The following TFCP2L1 variants were observed in gnomAD, a reference collection of about 807,000 sequenced individuals.
TFCP2L1 encodes the protein transcription factor CP2 like 1.
TFCP2L1 carries 12 observed loss-of-function variants against 72.2 expected under a neutral mutation model. That is an observed-to-expected ratio of 0.17 (90% confidence interval 0.11 to 0.27). The LOEUF (loss-of-function observed/expected upper bound fraction) is 0.27, where lower values mean the gene tolerates loss of function less well. Among genes scored for constraint, TFCP2L1 ranks in the 10% least tolerant of loss-of-function variants. TFCP2L1 has a pLI of 1.00. For synonymous variants in TFCP2L1, 260 were observed against 251.0 expected, an observed-to-expected ratio of 1.04 and a Z score of -0.34; for missense variants, 488 against 624.6, an observed-to-expected ratio of 0.78 and a Z score of 2.33.
intron 12 of TFCP2L1, among the ~76,000 whole-genome samples, chr2:121,233,023 T>G (rs1307392586): frequency 6.6e-6 from 1 of 152,164 alleles, no homozygotes; most frequent in African/African-American, 2.4e-5. Flanking sequence ...CCCAATATTT[T>G]AAAAGCACAC....
At chr2:121,256,249 CAT>C (rs985673158) in intron 2 of TFCP2L1, among the ~76,000 whole-genome samples, 15 of 152,258 alleles carry the variant, frequency 9.9e-5, no homozygotes, top group African/African-American at 3.4e-4. Context: ...CCCTGAAACA[CAT>C]GTTGCCATAC....
At position 121,246,928 on chromosome 2, in the gene TFCP2L1, C is replaced by T; in HGVS notation, c.547G>A (p.Gly183Ser). 6.2e-7 allele frequency: 1 copy of T among 1,614,140 alleles called. No individual in the cohort carries two copies. The highest frequency in any genetic ancestry group is 8.5e-7 in the Non-Finnish European group (1 of 1,180,006). ...ACTCGAAAGGGCACTCCCTTCTCGC[C>T]CCCGTGCTTCCTGGGGGTGAATTCT... is the stretch of plus-strand genomic sequence containing the variant. ...STEFTPRKHG[G>S]EKGVPFRVQI... The change falls in exon 6 of 15, where the codon GGC (glycine) becomes AGC (serine). Residue 183 changes from glycine (G) to serine (S), a missense_variant. Coordinates refer to ENST00000263707, the MANE Select transcript of TFCP2L1 (RefSeq NM_014553.3).
At position 121,218,604 on chromosome 2, in the gene TFCP2L1, C is replaced by G. The variant is rs779233236; in HGVS notation, c.*5737G>C. The stretch of plus-strand genomic sequence containing the variant: ...GGGGGACATGGTTTGGTTTCCCCAT[C>G]GCCAGGCTGGCCAGCTGGGGCCCAA... On this transcript the variant is annotated 3_prime_UTR_variant, in exon 15 of 15. Transcript: ENST00000263707. 1 of 152,390 alleles carries G rather than the reference C, an allele frequency of 6.6e-6. No individual in the cohort carries two copies. The highest frequency in any genetic ancestry group is 2.4e-5 in the African/African-American group (1 of 41,458). The allele number at this position is 152,390 out of a possible 1,614,324, so 9.4% of individuals were successfully genotyped here. A position where few individuals can be genotyped will look rare whatever the true frequency, so the allele number is the denominator to read the frequency against.
intron 4 of TFCP2L1, among the ~76,000 whole-genome samples, chr2:121,248,555 G>A (rs6707599): frequency 0.052 from 7,900 of 152,106 alleles, 679 homozygotes; most frequent in African/African-American, 0.18. Flanking sequence ...TACACACATC[G>A]TATTGTCATT....
chr2:121,225,216 T>G (rs1025068677), intron 14 of TFCP2L1, among the ~76,000 whole-genome samples: 4 of 152,104 alleles, frequency 2.6e-5, no homozygotes, highest in Non-Finnish European at 4.4e-5. Flanking sequence ...CACTGTCAGG[T>G]GGGCCCCCTC....
chr2:121,275,454 T>C (rs1687128620), intron 2 of TFCP2L1, among the ~76,000 whole-genome samples: 1 of 151,438 alleles, frequency 6.6e-6, no homozygotes, highest in African/African-American at 2.4e-5. Context: ...TAGGATACTT[T>C]TAATAATAAT....
intron 2 of TFCP2L1, among the ~76,000 whole-genome samples, chr2:121,256,235 G>A (rs576582929): frequency 2.6e-5 from 4 of 152,256 alleles, no homozygotes; most frequent in East Asian, 1.9e-4. Flanking sequence ...CGATACACTA[G>A]TCCCCCTGAA....
rs1438089162 is a variant in TFCP2L1, at chr2:121,222,831, C to T, written c.*1510G>A. 1 of 15,080 alleles carries T rather than the reference C, an allele frequency of 6.6e-5. No homozygotes were observed. Among genetic ancestry groups the T allele is most frequent in the Non-Finnish European group, 4.7e-4 (1 of 2,148 alleles). 0.9% of individuals were successfully genotyped at this position (15,080 alleles called of 1,614,324 possible). ...TTAGTTAACCCACTCCCCGCTTCTC[C>T]TCTAAAGAAGGAAGAGGAATCAGGA... On this transcript the variant is annotated 3_prime_UTR_variant, in exon 15 of 15. Coordinates refer to ENST00000263707, the MANE Select transcript of TFCP2L1 (RefSeq NM_014553.3).
chr2:121,258,324 C>T lies in TFCP2L1; in HGVS notation c.215-8677G>A, dbSNP rs574783662. On this transcript the variant is annotated intron_variant, in intron 2 of 14. Transcript: ENST00000263707. ...ATCAATATTAATAAGCGCCCAGCCA[C>T]CCCATCACCAGGACTCCAGTCTATA... 6.6e-5 allele frequency among the ~76,000 whole-genome samples: 10 copies of T among 152,314 alleles called. No homozygotes were observed. In the South Asian group the frequency reaches 2.1e-3, roughly 32 times the overall value.
intron 14 of TFCP2L1, among the ~76,000 whole-genome samples, chr2:121,225,206 C>CA (rs1231171325): frequency 6.6e-6 from 1 of 152,136 alleles, no homozygotes; most frequent in Non-Finnish European, 1.5e-5. Flanking sequence ...AGCACAGGCA[C>CA]ACTGTCAGGT....
At chr2:121,242,738 A>G (rs1573369818) in intron 6 of TFCP2L1, among the ~76,000 whole-genome samples, 2 of 152,300 alleles carry the variant, frequency 1.3e-5, no homozygotes, top group Admixed American at 1.3e-4. Flanking sequence ...GGGGACCCAC[A>G]AGGAATCCCA....
chr2:121,240,615 G>A, intron 7 of TFCP2L1: 1 of 985,418 alleles, frequency 1.0e-6, no homozygotes, highest in Non-Finnish European at 1.2e-6. Context: ...GCAAGGGCTT[G>A]GACAGACCTG....
At chr2:121,278,423 C>T (rs960832180) in intron 2 of TFCP2L1, among the ~76,000 whole-genome samples, 8 of 151,054 alleles carry the variant, frequency 5.3e-5, no homozygotes, top group Non-Finnish European at 8.9e-5. Context: ...CAGTGGCTCA[C>T]GCCTGTAATC....
intron 2 of TFCP2L1, among the ~76,000 whole-genome samples, chr2:121,258,329 T>A (rs2104724295): frequency 6.6e-6 from 1 of 152,206 alleles, no homozygotes; most frequent in East Asian, 1.9e-4. Flanking sequence ...AGCCACCCCA[T>A]CACCAGGACT....
At chr2:121,278,029 C>CTT (rs530823906) in intron 2 of TFCP2L1, among the ~76,000 whole-genome samples, 15 of 122,742 alleles carry the variant, frequency 1.2e-4, no homozygotes, top group Non-Finnish European at 1.5e-4. Context: ...CTTTTTCTCT[C>CTT]TTTTTTTTTT....
intron 5 of TFCP2L1, among the ~76,000 whole-genome samples, chr2:121,247,248 C>G: frequency 6.6e-6 from 1 of 152,120 alleles, no homozygotes; most frequent in Non-Finnish European, 1.5e-5. Flanking sequence ...GCCACTGACC[C>G]CAATAACCTC....
intron 13 of TFCP2L1, among the ~76,000 whole-genome samples, chr2:121,227,555 C>A (rs944900536): frequency 6.6e-6 from 1 of 151,996 alleles, no homozygotes; most frequent in African/African-American, 2.4e-5. Context: ...GTGGCAGGTG[C>A]CTGTAATCCC....
chr2:121,254,239 G>C (rs889537111), intron 2 of TFCP2L1, among the ~76,000 whole-genome samples: 3 of 152,174 alleles, frequency 2.0e-5, no homozygotes, highest in Non-Finnish European at 2.9e-5. Context: ...TACAGGGTTT[G>C]CCAAAGTTAA....
At chr2:121,232,044 AG>A in intron 12 of TFCP2L1, 76 bp from the exon 13 acceptor site, 1 of 1,495,832 alleles carries the variant, frequency 6.7e-7, no homozygotes, top group East Asian at 2.4e-5. Context: ...GCCCTGAGAA[AG>A]CAGTAAGTCC....
Sources: allele counts gnomAD v4.1 joint callset (sites outside exome capture counted in the v4.1 genomes callset), GRCh38; gene constraint gnomAD v4.1.1; transcripts MANE v1.5; gene names NCBI Gene and HGNC (gene_info 2026-07-23, HGNC 2026-07-21).